BCL2: variants seen among roughly 807,000 people sequenced by gnomAD.
BCL2 encodes the protein BCL2 apoptosis regulator.
In BCL2, 1 loss-of-function variant was observed where a neutral mutation model predicts 14.2. The observed-to-expected ratio is 0.07, with a 90% confidence interval of 0.02 to 0.33. BCL2 has a LOEUF of 0.33. Ranked by LOEUF, BCL2 falls within the 10% of genes least tolerant of loss-of-function variation. BCL2 has a pLI of 0.99. For synonymous variants in BCL2, 151 were observed against 137.2 expected, an observed-to-expected ratio of 1.10 and a Z score of -0.70; for missense variants, 247 against 305.9, an observed-to-expected ratio of 0.81 and a Z score of 1.44.
intron 2 of BCL2, among the ~76,000 whole-genome samples, chr18:63,291,726 CTT>C (rs11426842): frequency 1.4e-5 from 2 of 146,148 alleles, no homozygotes; most frequent in Non-Finnish European, 3.0e-5. Context: ...ATGAGTATTT[CTT>C]TTTTTTTTTT....
intron 2 of BCL2, among the ~76,000 whole-genome samples, chr18:63,273,578 C>A (rs1912062890): frequency 6.6e-6 from 1 of 152,194 alleles, no homozygotes; most frequent in South Asian, 2.1e-4. Context: ...GCTAGGTCGG[C>A]CGATTAGCTG....
chr18:63,137,295 T>G (rs1353917619), intron 2 of BCL2, among the ~76,000 whole-genome samples: 5 of 152,222 alleles, frequency 3.3e-5, no homozygotes, highest in Admixed American at 2.6e-4. Flanking sequence ...CACAGTATTA[T>G]ACGAAGATCA....
chr18:63,212,199 G>T (rs186658054), intron 2 of BCL2, among the ~76,000 whole-genome samples: 2 of 151,184 alleles, frequency 1.3e-5, no homozygotes, highest in African/African-American at 4.8e-5. Context: ...GGTGGCGGGC[G>T]CCTGTAGTCC....
chr18:63,131,451 G>A (rs966613413), intron 2 of BCL2, among the ~76,000 whole-genome samples: 1 of 152,230 alleles, frequency 6.6e-6, no homozygotes, highest in Non-Finnish European at 1.5e-5. Flanking sequence ...TGTCTGCCAA[G>A]ATGCACACCC....
rs191536863 is a variant in BCL2 at position 63,290,957 on chromosome 18, G to C, written c.585+27125C>G. The stretch of plus-strand genomic sequence containing the variant: ...AAAGCCTCCGAGATGGTGATAAAGC[G>C]GCTCACCATCTGTGAACTCCTCCTC... On this transcript the variant is annotated intron_variant, in intron 2 of 2. Coordinates refer to ENST00000333681, the MANE Select transcript of BCL2 (RefSeq NM_000633.3). Among the ~76,000 whole-genome samples the C allele has an allele frequency of 2.0e-5, 3 of 151,860 alleles. No homozygotes were observed. The South Asian group carries it at 6.2e-4, about 32-fold the overall frequency.
At chr18:63,250,361 T>C (rs571888843) in intron 2 of BCL2, among the ~76,000 whole-genome samples, 1 of 152,358 alleles carries the variant, frequency 6.6e-6, no homozygotes, top group South Asian at 2.1e-4. Flanking sequence ...TTGAGAGTAT[T>C]ACTGAATACA....
rs1599194099 is a variant in BCL2, at chr18:63,124,817, T to C, written c.*3808A>G. 8.7e-6 allele frequency: 2 copies of C among 229,200 alleles called. No homozygotes were observed. The highest frequency in any genetic ancestry group is 5.7e-5 in the Admixed American group (1 of 17,660). 14.2% of individuals were successfully genotyped at this position (229,200 alleles called of 1,614,324 possible). ...AATAGAATTTCAACTGACTCCCTAATTTCCTTAGAATGGCTTGTATTTCGA... is the reference window on the plus strand; with the variant it reads ...AATAGAATTTCAACTGACTCCCTAACTTCCTTAGAATGGCTTGTATTTCGA... On this transcript the variant is annotated 3_prime_UTR_variant, in exon 3 of 3. Transcript: ENST00000333681.
At chr18:63,167,215 CATCT>C (rs1166973536) in intron 2 of BCL2, among the ~76,000 whole-genome samples, 5 of 152,172 alleles carry the variant, frequency 3.3e-5, no homozygotes, top group Non-Finnish European at 5.9e-5. Flanking sequence ...TTCCTTCATT[CATCT>C]ATCTACCTCC....
At chr18:63,180,535 C>T (rs922787317) in intron 2 of BCL2, among the ~76,000 whole-genome samples, 2 of 151,706 alleles carry the variant, frequency 1.3e-5, no homozygotes, top group Middle Eastern at 6.8e-3. Context: ...GCCCATCCCA[C>T]CCCAGGCTTA....
chr18:63,243,534 T>TA (rs1255504063), intron 2 of BCL2, among the ~76,000 whole-genome samples: 1 of 152,116 alleles, frequency 6.6e-6, no homozygotes, highest in Non-Finnish European at 1.5e-5. Context: ...AATTTAAAAA[T>TA]AAAAATTAAC....
chr18:63,288,524 T>C (rs1280639320), intron 2 of BCL2, among the ~76,000 whole-genome samples: 1 of 152,226 alleles, frequency 6.6e-6, no homozygotes, highest in Non-Finnish European at 1.5e-5. Flanking sequence ...GGCATTGACT[T>C]GCTATTAGTC....
chr18:63,235,246 C>T (rs185200378), intron 2 of BCL2, among the ~76,000 whole-genome samples: 75 of 152,322 alleles, frequency 4.9e-4, no homozygotes, highest in African/African-American at 1.6e-3. Context: ...CTTTGGAGAG[C>T]AATTTGGCAA....
intron 2 of BCL2, among the ~76,000 whole-genome samples, chr18:63,275,863 G>A (rs1029202953): frequency 6.6e-6 from 1 of 152,368 alleles, no homozygotes. Context: ...TAACCCTAGT[G>A]TGAGGCTTAA....
intron 2 of BCL2, among the ~76,000 whole-genome samples, chr18:63,282,837 A>C (rs1188539739): frequency 1.3e-5 from 2 of 152,200 alleles, no homozygotes; most frequent in Non-Finnish European, 2.9e-5. Flanking sequence ...GGTCCATGTA[A>C]GCTAAATTTA....
intron 2 of BCL2, among the ~76,000 whole-genome samples, chr18:63,169,935 A>G (rs1915182817): frequency 6.6e-6 from 1 of 151,990 alleles, no homozygotes; most frequent in South Asian, 2.1e-4. Flanking sequence ...TCTTTTACAC[A>G]TTTTTCAATG....
chr18:63,264,871 T>C (rs1205229714), intron 2 of BCL2, among the ~76,000 whole-genome samples: 1 of 214 alleles, frequency 4.7e-3, no homozygotes, highest in Non-Finnish European at 9.4e-3. Context: ...AGGGCACCCA[T>C]GTGGGGAGTA....
chr18:63,187,804 TA>T (rs1222107259), intron 2 of BCL2, among the ~76,000 whole-genome samples: 61 of 152,372 alleles, frequency 4.0e-4, no homozygotes, highest in African/African-American at 1.5e-3. Flanking sequence ...TTAGTTCGAC[TA>T]ATACAGATTA....
At position 63,307,352 on chromosome 18, in the gene BCL2, T is replaced by G. The variant is rs546257753; in HGVS notation, c.585+10730A>C. 1.8e-3 allele frequency among the ~76,000 whole-genome samples: 280 copies of G among 152,362 alleles called. 1 individual carries two copies. Among genetic ancestry groups the G allele is most frequent in the Non-Finnish European group, 3.4e-3 (230 of 68,036 alleles). The stretch of plus-strand genomic sequence containing the variant: ...TTCCAATGACATGTACTTTCATCGG[T>G]TAATTTTTAATTGAGCCAAATATTA... On this transcript the variant is annotated intron_variant, in intron 2 of 2. Coordinates refer to ENST00000333681, the MANE Select transcript of BCL2 (RefSeq NM_000633.3).
chr18:63,191,273 G>A (rs1048420431), intron 2 of BCL2, among the ~76,000 whole-genome samples: 6 of 152,176 alleles, frequency 3.9e-5, no homozygotes, highest in Non-Finnish European at 7.3e-5. Flanking sequence ...TTGAGGAATC[G>A]CTATACTATC....
Sources: allele counts gnomAD v4.1 joint callset (sites outside exome capture counted in the v4.1 genomes callset), GRCh38; gene constraint gnomAD v4.1.1; transcripts MANE v1.5; gene names NCBI Gene and HGNC (gene_info 2026-07-23, HGNC 2026-07-21).